The following TOX variants were observed in gnomAD, a reference collection of about 807,000 sequenced individuals.
The protein encoded by TOX is thymocyte selection associated high mobility group box, also known as thymocyte selection-associated high mobility group box protein TOX.
A neutral mutation model predicts 53.7 loss-of-function variants in TOX; 11 were observed. The observed-to-expected ratio is 0.20, with a 90% CI of 0.13 to 0.34. The LOEUF (loss-of-function observed/expected upper bound fraction) is 0.34. Ranked by LOEUF, TOX falls within the 10% of genes least tolerant of loss-of-function variation. The pLI, the probability that TOX is intolerant of heterozygous loss-of-function variation, is 1.00. For synonymous variants in TOX, 225 were observed against 245.3 expected (o/e 0.92, Z 0.77); for missense variants, 570 against 664.6 (o/e 0.86, Z 1.56).
At position 58,859,314 on chromosome 8, in the gene TOX, GGACATTTTTATAAAAAT is replaced by G. The variant is rs765861075; in HGVS notation, c.412-7526_412-7510del. On this transcript the variant is annotated intron_variant, in intron 3 of 8. Coordinates refer to ENST00000361421, the MANE Select transcript of TOX (RefSeq NM_014729.3). The stretch of plus-strand genomic sequence containing the variant: ...ACAAGTGAGGTTCAAAAGAAAGGTT[GGACATTTTTATAAAAAT>G]GTATTTTTATCCTCAGTATTTTAAT... Among the ~76,000 whole-genome samples, 5 of 152,078 alleles carry G rather than the reference GGACATTTTTATAAAAAT, an allele frequency of 3.3e-5. No individual in the cohort carries two copies. In the South Asian group the frequency reaches 8.3e-4, roughly 25 times the overall value.
At chr8:59,035,525 G>A (rs1057343162) in intron 1 of TOX, among the ~76,000 whole-genome samples, 1 of 152,136 alleles carries the variant, frequency 6.6e-6, no homozygotes, top group Non-Finnish European at 1.5e-5. Context: ...CAAGTGCATC[G>A]ACGCCCGACA....
intron 3 of TOX, among the ~76,000 whole-genome samples, chr8:58,932,050 T>C (rs1812263459): frequency 6.6e-6 from 1 of 152,208 alleles, no homozygotes; most frequent in South Asian, 2.1e-4. Flanking sequence ...TTCAAAGTAG[T>C]CTGTTTTGTG....
intron 1 of TOX, among the ~76,000 whole-genome samples, chr8:59,093,859 G>C (rs1182843503): frequency 6.6e-6 from 1 of 152,034 alleles, no homozygotes; most frequent in Non-Finnish European, 1.5e-5. Context: ...CTGGCATGTT[G>C]GTAAATGACA....
At chr8:58,934,508 G>A (rs1812312938) in intron 3 of TOX, among the ~76,000 whole-genome samples, 1 of 152,104 alleles carries the variant, frequency 6.6e-6, no homozygotes, top group South Asian at 2.1e-4. Context: ...GTGAAACTGA[G>A]GCACAAAAAG....
At chr8:59,068,035 T>G (rs556816774) in intron 1 of TOX, among the ~76,000 whole-genome samples, 1 of 152,214 alleles carries the variant, frequency 6.6e-6, no homozygotes, top group Non-Finnish European at 1.5e-5. Context: ...GGGACAATAA[T>G]GGAGTGAATT....
chr8:59,052,588 C>A (rs981308848), intron 1 of TOX, among the ~76,000 whole-genome samples: 1 of 152,160 alleles, frequency 6.6e-6, no homozygotes, highest in Non-Finnish European at 1.5e-5. Flanking sequence ...TCTCCCCCAG[C>A]AATGGTCTTA....
chr8:58,915,527 A>G lies in TOX; in HGVS notation c.411+23775T>C, dbSNP rs1429047555. ...GAAGGAAAACTAACAACCAGAAAGGACATCTACACCGAAAACCTATCTGTA... is the reference window on the plus strand; with the variant it reads ...GAAGGAAAACTAACAACCAGAAAGGGCATCTACACCGAAAACCTATCTGTA... On this transcript the variant is annotated intron_variant, in intron 3 of 8. Coordinates refer to ENST00000361421, the MANE Select transcript of TOX (RefSeq NM_014729.3). Among the ~76,000 whole-genome samples, 6 of 129,780 alleles carry G rather than the reference A, an allele frequency of 4.6e-5. No homozygotes were observed. In the South Asian group the frequency reaches 1.5e-3, roughly 32 times the overall value. 85.1% of individuals were successfully genotyped at this position (129,780 alleles called of 152,430 possible). A position where few individuals can be genotyped will look rare whatever the true frequency, so the allele number is the denominator to read the frequency against.
At chr8:58,846,846 A>C (rs1208853491) in intron 4 of TOX, among the ~76,000 whole-genome samples, 1 of 152,170 alleles carries the variant, frequency 6.6e-6, no homozygotes, top group Non-Finnish European at 1.5e-5. Context: ...ATCAAGACGT[A>C]AAAGATTAGA....
chr8:58,921,516 A>G lies in TOX; in HGVS notation c.411+17786T>C, dbSNP rs147083232. On this transcript the variant is annotated intron_variant, in intron 3 of 8. Coordinates refer to ENST00000361421, the MANE Select transcript of TOX (RefSeq NM_014729.3). ...AAGGCCCATATAAGTTAAGTGACTT[A>G]CCAGGATCTTTCAGCTACACTTTCA... Among the ~76,000 whole-genome samples the G allele has an allele frequency of 3.1e-4, 47 of 152,380 alleles. No individual in the cohort carries two copies. The East Asian group carries it at 8.5e-3, about 27-fold the overall frequency.
chr8:59,065,732 T>C (rs1181257539), intron 1 of TOX, among the ~76,000 whole-genome samples: 1 of 151,902 alleles, frequency 6.6e-6, no homozygotes, highest in Non-Finnish European at 1.5e-5. Context: ...AAAGAGAAAA[T>C]AGTGTACCAT....
At chr8:58,847,558 A>T (rs1335680657) in intron 4 of TOX, among the ~76,000 whole-genome samples, 1 of 152,112 alleles carries the variant, frequency 6.6e-6, no homozygotes, top group Non-Finnish European at 1.5e-5. Flanking sequence ...TCTAATATTC[A>T]TCCCCTGAGA....
intron 1 of TOX, among the ~76,000 whole-genome samples, chr8:58,965,809 T>G (rs1258345705): frequency 4.1e-5 from 6 of 147,128 alleles, no homozygotes; most frequent in Admixed American, 6.9e-5. Context: ...TGCATTATAA[T>G]AAATCATTTT....
chr8:59,107,054 G>GGT (rs763371783), intron 1 of TOX, among the ~76,000 whole-genome samples: 1 of 128,024 alleles, frequency 7.8e-6, no homozygotes, highest in African/African-American at 2.9e-5. Context: ...GCTGGGGGGG[G>GGT]GGGGAACGTG....
chr8:58,920,750 A>AG (rs1812057918), intron 3 of TOX, among the ~76,000 whole-genome samples: 1 of 44,908 alleles, frequency 2.2e-5, no homozygotes, highest in South Asian at 1.2e-3. Context: ...AAAAAAGAAG[A>AG]AAAAAAAAAA....
Position 58,805,836 on chromosome 8 carries a change from TATTA to T in TOX, c.*1907_*1910del, listed in dbSNP as rs751331534. Reference sequence around the variant, plus strand: ...AATAATCACATGGATCTGCATTATTTATTAGTTATTACATGCTCAAGTGATTCAA... The same window carrying T: ...AATAATCACATGGATCTGCATTATTTGTTATTACATGCTCAAGTGATTCAA... On this transcript the variant is annotated 3_prime_UTR_variant, in exon 9 of 9. Coordinates refer to ENST00000361421, the MANE Select transcript of TOX (RefSeq NM_014729.3). The T allele has an allele frequency of 2.0e-5, 3 of 152,688 alleles. No homozygotes were observed. Among genetic ancestry groups the T allele is most frequent in the Non-Finnish European group, 4.4e-5 (3 of 68,052 alleles). The allele number at this position is 152,688 out of a possible 1,614,324, so 9.5% of individuals were successfully genotyped here. A position where few individuals can be genotyped will look rare whatever the true frequency, so the allele number is the denominator to read the frequency against.
chr8:59,091,508 T>C (rs1804605908), intron 1 of TOX, among the ~76,000 whole-genome samples: 1 of 151,908 alleles, frequency 6.6e-6, no homozygotes, highest in Non-Finnish European at 1.5e-5. Flanking sequence ...TCTTGGACAA[T>C]ATAGACAGAC....
intron 1 of TOX, among the ~76,000 whole-genome samples, chr8:59,031,369 G>A (rs1181502621): frequency 1.3e-5 from 2 of 152,130 alleles, no homozygotes; most frequent in East Asian, 3.8e-4. Flanking sequence ...CACCAACTGG[G>A]CATACATCAA....
At chr8:58,822,452 T>C (rs72649455) in intron 6 of TOX, among the ~76,000 whole-genome samples, 1 of 152,336 alleles carries the variant, frequency 6.6e-6, no homozygotes, top group Non-Finnish European at 1.5e-5. Context: ...CTATGTCCTA[T>C]AGATGTATCC....
At chr8:58,883,127 G>A (rs180683355) in intron 3 of TOX, among the ~76,000 whole-genome samples, 1 of 152,112 alleles carries the variant, frequency 6.6e-6, no homozygotes, top group Non-Finnish European at 1.5e-5. Flanking sequence ...CTATGATGTG[G>A]AGCAAGGCAC....
Sources: gnomAD v4.1 joint callset for allele counts (sites outside exome capture counted in the v4.1 genomes callset) on GRCh38, gnomAD v4.1.1 for gene constraint, MANE v1.5 for transcripts, NCBI Gene and HGNC (gene_info 2026-07-23, HGNC 2026-07-21) for gene names.